Variants in RCOR1 observed in about 807,000 individuals in gnomAD.
RCOR1 encodes the protein REST corepressor 1.
A neutral mutation model predicts 64.0 loss-of-function variants in RCOR1; 12 were observed. That is an observed-to-expected ratio of 0.19 (90% CI 0.12 to 0.30). The LOEUF is 0.30. RCOR1 is among the 10% of genes least tolerant of loss of function. The pLI, the probability that RCOR1 is intolerant of heterozygous loss-of-function variation, is 1.00. For missense variants in RCOR1, 502 were observed against 621.2 expected (o/e 0.81, Z 2.04); for synonymous variants, 279 against 227.2 (o/e 1.23, Z -2.05).
intron 2 of RCOR1, chr14:102,659,170 G>A (rs1337437411): frequency 1.0e-6 from 1 of 984,782 alleles, no homozygotes; most frequent in Non-Finnish European, 1.2e-6. Flanking sequence ...TTAAAAAGAA[G>A]CTCTTTAGAT....
At chr14:102,602,369 G>A (rs1399684094) in intron 2 of RCOR1, among the ~76,000 whole-genome samples, 2 of 147,372 alleles carry the variant, frequency 1.4e-5, no homozygotes, top group Non-Finnish European at 3.0e-5. Context: ...GCTTATATTA[G>A]CATTTTTTTC....
chr14:102,712,955 T>G (rs970707072), intron 7 of RCOR1, among the ~76,000 whole-genome samples: 10 of 134,770 alleles, frequency 7.4e-5, no homozygotes, highest in Non-Finnish European at 1.3e-4. Context: ...TTGTTTTTTT[T>G]TTTTTTTTTT....
At chr14:102,650,887 C>G (rs530107742) in intron 2 of RCOR1, 2 of 544,676 alleles carry the variant, frequency 3.7e-6, no homozygotes, top group Non-Finnish European at 4.7e-6. Context: ...AGCACTTACT[C>G]TTAGATGTTA....
At chr14:102,625,119 C>T (rs983412877) in intron 2 of RCOR1, among the ~76,000 whole-genome samples, 1 of 151,994 alleles carries the variant, frequency 6.6e-6, no homozygotes, top group Non-Finnish European at 1.5e-5. Flanking sequence ...AAGGGATCCT[C>T]TTGCCTGGGC....
intron 6 of RCOR1, 65 bp from the exon 7 acceptor site, chr14:102,710,870 T>C: frequency 1.8e-6 from 2 of 1,120,258 alleles, no homozygotes. Context: ...GTTAAATCAA[T>C]TTATCGTTTG....
intron 2 of RCOR1, among the ~76,000 whole-genome samples, chr14:102,642,689 A>C (rs1894393323): frequency 6.6e-6 from 1 of 152,106 alleles, no homozygotes; most frequent in Non-Finnish European, 1.5e-5. Context: ...TATAAAAATA[A>C]GCCGGGTATG....
chr14:102,642,639 C>G (rs1894392266), intron 2 of RCOR1, among the ~76,000 whole-genome samples: 1 of 152,026 alleles, frequency 6.6e-6, no homozygotes, highest in South Asian at 2.1e-4. Flanking sequence ...AATTCCAGAC[C>G]AGCCTGGGCA....
intron 2 of RCOR1, among the ~76,000 whole-genome samples, chr14:102,599,248 C>G (rs1242695782): frequency 2.0e-5 from 3 of 151,900 alleles, no homozygotes; most frequent in Non-Finnish European, 4.4e-5. Flanking sequence ...CCATACTTTA[C>G]CTCGAAAGTA....
At chr14:102,601,309 G>A (rs915265120) in intron 2 of RCOR1, among the ~76,000 whole-genome samples, 2 of 152,262 alleles carry the variant, frequency 1.3e-5, no homozygotes, top group East Asian at 1.9e-4. Context: ...CACCGCACCC[G>A]ACCAAACACT....
Position 102,722,254 on chromosome 14 carries a change from A to G in RCOR1, c.1257A>G (p.Gln419=), listed in dbSNP as rs751313699. ...SDVIGNKSVV[Q]VKNFFVNYRR... is the part of the protein sequence containing the mutation. ...TGATTGGGAACAAATCAGTGGTACA[A>G]GTGAAAAACTTTTTTGTAAATTATC... The change falls in exon 11 of 12, where the codon CAA becomes CAG. Residue 419 remains glutamine (Q), a synonymous_variant. Transcript: ENST00000262241. 11 of 1,614,104 alleles carry G rather than the reference A, an allele frequency of 6.8e-6. No homozygotes were observed. The highest frequency in any genetic ancestry group is 9.3e-6 in the Non-Finnish European group (11 of 1,180,030).
In RCOR1 at chr14:102,609,288, C is replaced by T. The variant is rs572929266; in HGVS notation, c.361+15963C>T. 2.6e-5 allele frequency among the ~76,000 whole-genome samples: 4 copies of T among 152,140 alleles called. No homozygotes were observed. In the East Asian group the frequency reaches 7.7e-4, roughly 29 times the overall value. Reference sequence around the variant, plus strand: ...GAACTCCCGACCTCAGGTGATCCGCCTGCCTCGGCCTCTCAAAGTGCTGGG... The same window carrying T: ...GAACTCCCGACCTCAGGTGATCCGCTTGCCTCGGCCTCTCAAAGTGCTGGG... On this transcript the variant is annotated intron_variant, in intron 2 of 11. Coordinates refer to ENST00000262241, the MANE Select transcript of RCOR1 (RefSeq NM_015156.4).
intron 2 of RCOR1, among the ~76,000 whole-genome samples, chr14:102,620,256 C>G (rs1406456383): frequency 1.3e-5 from 2 of 151,744 alleles, no homozygotes; most frequent in African/African-American, 4.8e-5. Flanking sequence ...CACACACCCC[C>G]CCACACCCAC....
At chr14:102,678,637 A>G (rs967252009) in intron 2 of RCOR1, among the ~76,000 whole-genome samples, 6 of 152,158 alleles carry the variant, frequency 3.9e-5, no homozygotes, top group Admixed American at 6.5e-5. Context: ...TGTAGGGTAT[A>G]TGGCTGAACA....
At chr14:102,664,776 T>C (rs1894884733) in intron 2 of RCOR1, among the ~76,000 whole-genome samples, 1 of 152,202 alleles carries the variant, frequency 6.6e-6, no homozygotes, top group African/African-American at 2.4e-5. Flanking sequence ...TGCTAGACAC[T>C]GAAGATACTA....
At chr14:102,641,470 T>G (rs1416745733) in intron 2 of RCOR1, among the ~76,000 whole-genome samples, 2 of 151,750 alleles carry the variant, frequency 1.3e-5, no homozygotes, top group African/African-American at 2.4e-5. Context: ...TATGGTGGTG[T>G]TCTCCTTTAG....
At position 102,692,710 on chromosome 14, in the gene RCOR1, CTCCTTCCTTCCTTCCTTCCT is replaced by C. The variant is rs35869950; in HGVS notation, c.446-8541_446-8522del. On this transcript the variant is annotated intron_variant, in intron 3 of 11. Coordinates refer to ENST00000262241, the MANE Select transcript of RCOR1 (RefSeq NM_015156.4). ...TAGCATACTTTATTCAACTACATCT[CTCCTTCCTTCCTTCCTTCCT>C]TCCTTCCTTCCTTCCTTCCTTCCTT... Among the ~76,000 whole-genome samples the C allele has an allele frequency of 7.4e-3, 883 of 118,706 alleles. 13 individuals are homozygous for C. The highest frequency in any genetic ancestry group is 0.027 in the African/African-American group (842 of 30,946). The allele number at this position is 118,706 out of a possible 152,430, so 77.9% of individuals were successfully genotyped here. A position where few individuals can be genotyped will look rare whatever the true frequency, so the allele number is the denominator to read the frequency against.
intron 3 of RCOR1, among the ~76,000 whole-genome samples, chr14:102,701,047 A>G (rs1201384060): frequency 1.3e-5 from 2 of 152,198 alleles, no homozygotes; most frequent in African/African-American, 2.4e-5. Flanking sequence ...GAGACTTACT[A>G]ACAGGAGAAT....
Position 102,717,703 on chromosome 14 carries a change from T to C in RCOR1, c.1053+3086T>C, listed in dbSNP as rs1029867190. On this transcript the variant is annotated intron_variant, in intron 8 of 11. Coordinates refer to ENST00000262241, the MANE Select transcript of RCOR1 (RefSeq NM_015156.4). ...CTCCTGGTGGTTGCTGTTTAATATA[T>C]TGAGAAAAGAAAAAGAGGCCTTCCT... is the stretch of plus-strand genomic sequence containing the variant. Among the ~76,000 whole-genome samples, 4 of 152,122 alleles carry C rather than the reference T, an allele frequency of 2.6e-5. No homozygotes were observed. The East Asian group carries it at 5.8e-4, about 22-fold the overall frequency.
chr14:102,650,219 C>T (rs1894557645), intron 2 of RCOR1, among the ~76,000 whole-genome samples: 1 of 147,380 alleles, frequency 6.8e-6, no homozygotes, highest in Non-Finnish European at 1.5e-5. Flanking sequence ...AAAAAAGAAT[C>T]ATAGTGGCCA....
Sources: gnomAD v4.1 joint callset for allele counts (sites outside exome capture counted in the v4.1 genomes callset) on GRCh38, gnomAD v4.1.1 for gene constraint, MANE v1.5 for transcripts, NCBI Gene and HGNC (gene_info 2026-07-23, HGNC 2026-07-21) for gene names.